The following NRG3 variants were observed in gnomAD, a reference collection of about 807,000 sequenced individuals.
NRG3 encodes pro-neuregulin-3, membrane-bound isoform.
NRG3 carries 31 observed loss-of-function variants against 66.9 expected under a neutral mutation model. The observed-to-expected ratio is 0.46, with a 90% CI of 0.35 to 0.63. The LOEUF is 0.63. Ranked by LOEUF, NRG3 falls within the 20% of genes least tolerant of loss-of-function variation. The pLI is 0.00. For missense variants in NRG3, 910 were observed against 878.9 expected (o/e 1.04, Z -0.45); for synonymous variants, 393 against 359.4 (o/e 1.09, Z -1.06).
At position 81,953,244 on chromosome 10, in the gene NRG3, G is replaced by A. The variant is rs539651764; in HGVS notation, c.823+77081G>A. On this transcript the variant is annotated intron_variant, in intron 1 of 8. Transcript: ENST00000372141. ...TTGAAGATCCTCCCAAACTTCACAAGTCTGTTGGTTGAGAGCCCCATCCTT... is the reference window on the plus strand; with the variant it reads ...TTGAAGATCCTCCCAAACTTCACAAATCTGTTGGTTGAGAGCCCCATCCTT... Among the ~76,000 whole-genome samples, 330 of 152,278 alleles carry A rather than the reference G, an allele frequency of 2.2e-3. 1 individual carries two copies. Among genetic ancestry groups the A allele is most frequent in the Middle Eastern group, 0.01 (3 of 294 alleles).
intron 2 of NRG3, among the ~76,000 whole-genome samples, chr10:82,386,628 G>A (rs371672963): frequency 2.0e-3 from 307 of 152,086 alleles, no homozygotes; most frequent in African/African-American, 6.8e-3. Context: ...GACCCATATT[G>A]AAGATATTTT....
At chr10:82,405,617 A>G (rs182796869) in intron 2 of NRG3, among the ~76,000 whole-genome samples, 12 of 152,062 alleles carry the variant, frequency 7.9e-5, no homozygotes, top group Admixed American at 4.6e-4. Flanking sequence ...ACAGGTGTGC[A>G]TCACCCCACC....
At chr10:82,408,123 G>GAAAGAAAGAAAGAA (rs2087744749) in intron 2 of NRG3, among the ~76,000 whole-genome samples, 1 of 141,472 alleles carries the variant, frequency 7.1e-6, no homozygotes, top group South Asian at 2.2e-4. Context: ...AAGAAAGAAA[G>GAAAGAAAGAAAGAA]AAAGAAAGAA....
At chr10:82,704,321 A>C (rs947957649) in intron 2 of NRG3, among the ~76,000 whole-genome samples, 3 of 152,170 alleles carry the variant, frequency 2.0e-5, no homozygotes, top group Non-Finnish European at 4.4e-5. Context: ...GTGCAAGGCC[A>C]ACATCTAAGT....
chr10:82,770,498 G>A (rs542135272), intron 3 of NRG3, among the ~76,000 whole-genome samples: 27 of 152,216 alleles, frequency 1.8e-4, no homozygotes, highest in African/African-American at 6.5e-4. Flanking sequence ...ATCCTAGTTT[G>A]TACCAGAATA....
chr10:82,961,039 G>A (rs1045556734), intron 6 of NRG3, among the ~76,000 whole-genome samples: 2 of 152,002 alleles, frequency 1.3e-5, no homozygotes, highest in African/African-American at 4.8e-5. Flanking sequence ...AAATACTGCT[G>A]GAATTAATAA....
In NRG3 at chr10:82,901,284, A is replaced by AT. The variant is rs781732253; in HGVS notation, c.1054+35855dup. Among the ~76,000 whole-genome samples the AT allele has an allele frequency of 4.9e-4, 74 of 151,970 alleles. 1 individual carries two copies. Among genetic ancestry groups the AT allele is most frequent in the Admixed American group, 1.4e-3 (21 of 15,256 alleles). On this transcript the variant is annotated intron_variant, in intron 4 of 8. Coordinates refer to ENST00000372141, the MANE Select transcript of NRG3 (RefSeq NM_001010848.4). ...ATATTTACAATTTCAGCAAATTTGAATTTTTTTTGTCTTTAAAATGCCTCT... is the reference window on the plus strand; with the variant it reads ...ATATTTACAATTTCAGCAAATTTGAATTTTTTTTTGTCTTTAAAATGCCTCT...
chr10:81,932,210 A>G (rs903628896), intron 1 of NRG3, among the ~76,000 whole-genome samples: 3 of 143,464 alleles, frequency 2.1e-5, no homozygotes, highest in East Asian at 2.0e-4. Flanking sequence ...GATTGAGAGA[A>G]AGAGAGAGAG....
intron 1 of NRG3, among the ~76,000 whole-genome samples, chr10:82,242,452 G>A (rs1764098): frequency 1 from 151,617 of 152,330 alleles, 75,459 homozygotes; most frequent in African/African-American, 1. Flanking sequence ...TTGCCCATCT[G>A]TTGGGCTTGT....
intron 1 of NRG3, among the ~76,000 whole-genome samples, chr10:81,982,675 G>A (rs1489492380): frequency 1.3e-5 from 2 of 152,060 alleles, no homozygotes; most frequent in African/African-American, 2.4e-5. Context: ...TTGCACCTGA[G>A]CATCCATGGC....
chr10:82,134,556 A>T lies in NRG3; in HGVS notation c.824-224183A>T, dbSNP rs370558189. On this transcript the variant is annotated intron_variant, in intron 1 of 8. Transcript: ENST00000372141. ...CTTGTTTTTGTCAGCTGTGTTGAAGATCAGGTGGTCATAAATGTGTTGCCT... is the reference window on the plus strand; with the variant it reads ...CTTGTTTTTGTCAGCTGTGTTGAAGTTCAGGTGGTCATAAATGTGTTGCCT... Among the ~76,000 whole-genome samples the T allele has an allele frequency of 1.8e-4, 28 of 152,108 alleles. No individual in the cohort carries two copies. In the East Asian group the frequency reaches 4.1e-3, roughly 22 times the overall value.
At chr10:82,931,265 C>T (rs1847550905) in intron 4 of NRG3, among the ~76,000 whole-genome samples, 2 of 152,178 alleles carry the variant, frequency 1.3e-5, no homozygotes, top group Admixed American at 6.6e-5. Flanking sequence ...CATATTCATC[C>T]ATCCTTTATT....
At chr10:82,857,904 G>A (rs757285460) in intron 3 of NRG3, among the ~76,000 whole-genome samples, 4 of 152,146 alleles carry the variant, frequency 2.6e-5, no homozygotes, top group Non-Finnish European at 5.9e-5. Context: ...GCTTGAAAAA[G>A]GATGAAGTGA....
At chr10:82,044,379 C>CA (rs1293745825) in intron 1 of NRG3, among the ~76,000 whole-genome samples, 2 of 152,036 alleles carry the variant, frequency 1.3e-5, no homozygotes, top group East Asian at 3.9e-4. Flanking sequence ...TACCCACACT[C>CA]ACTCAGGCTG....
At chr10:82,741,405 C>T (rs2134787937) in intron 3 of NRG3, among the ~76,000 whole-genome samples, 1 of 152,274 alleles carries the variant, frequency 6.6e-6, no homozygotes, top group East Asian at 1.9e-4. Context: ...AGGCCTCAGG[C>T]TTTCACTTGA....
intron 2 of NRG3, among the ~76,000 whole-genome samples, chr10:82,439,066 C>A (rs1213706331): frequency 6.6e-6 from 1 of 151,524 alleles, no homozygotes; most frequent in Non-Finnish European, 1.5e-5. Context: ...TTACTTGTTT[C>A]TTAGGGCTTA....
intron 4 of NRG3, among the ~76,000 whole-genome samples, chr10:82,900,950 T>G (rs1844160353): frequency 6.6e-6 from 1 of 152,134 alleles, no homozygotes; most frequent in South Asian, 2.1e-4. Flanking sequence ...AAATGAGACC[T>G]CAGATCTAAA....
At chr10:82,281,443 G>T (rs775263590) in intron 1 of NRG3, among the ~76,000 whole-genome samples, 15 of 152,114 alleles carry the variant, frequency 9.9e-5, no homozygotes, top group Non-Finnish European at 1.8e-4. Context: ...AAGATGTATT[G>T]GCCCGGAGGA....
At chr10:82,169,126 G>A (rs569900882) in intron 1 of NRG3, among the ~76,000 whole-genome samples, 4 of 152,190 alleles carry the variant, frequency 2.6e-5, no homozygotes, top group Non-Finnish European at 5.9e-5. Flanking sequence ...ATTATGTGAA[G>A]AAAGCGACGA....
Sources: allele counts gnomAD v4.1 joint callset (sites outside exome capture counted in the v4.1 genomes callset), GRCh38; gene constraint gnomAD v4.1.1; transcripts MANE v1.5; gene names NCBI Gene and HGNC (gene_info 2026-07-23, HGNC 2026-07-21).